The following CLOCK variants were observed in gnomAD, a reference collection of about 807,000 sequenced individuals.
CLOCK encodes the protein circadian locomoter output cycles protein kaput.
CLOCK carries 43 observed loss-of-function variants against 118.4 expected under a neutral mutation model. The ratio of observed to expected loss-of-function variants is 0.36; its 90% confidence interval spans 0.28 to 0.47. CLOCK has a LOEUF of 0.47. CLOCK is among the 20% of genes least tolerant of loss of function. The probability of loss-of-function intolerance (pLI) is 1.00; values close to 1 mark genes in which losing one functional copy is unlikely to be tolerated. For missense variants in CLOCK, 846 were observed against 999.9 expected, an observed-to-expected ratio of 0.85 and a Z score of 2.08; for synonymous variants, 326 against 339.2, an observed-to-expected ratio of 0.96 and a Z score of 0.43.
chr4:55,506,140 G>GGTCATGTACTGCATTTAGCT, intron 2 of CLOCK, among the ~76,000 whole-genome samples: 1 of 151,924 alleles, frequency 6.6e-6, no homozygotes, highest in South Asian at 2.1e-4. Flanking sequence ...TCCAATCCAG[G>GGTCATGTACTGCATTTAGCT]GTCATGTACT....
intron 1 of CLOCK, among the ~76,000 whole-genome samples, chr4:55,533,915 C>A (rs1730715683): frequency 6.6e-6 from 1 of 152,080 alleles, no homozygotes; most frequent in African/African-American, 2.4e-5. Flanking sequence ...AAAAATAAAA[C>A]AAAAACAAAG....
intron 2 of CLOCK, among the ~76,000 whole-genome samples, chr4:55,495,673 CCCAAAACTGG>C (rs1199027244): frequency 1.3e-5 from 2 of 152,048 alleles, no homozygotes; most frequent in African/African-American, 4.8e-5. Flanking sequence ...AAAATGATCC[CCCAAAACTGG>C]CCAGTGAGTT....
At chr4:55,459,085 G>A in intron 10 of CLOCK, 63 bp downstream of exon 10, 1 of 1,458,038 alleles carries the variant, frequency 6.9e-7, no homozygotes, top group Non-Finnish European at 9.6e-7. Context: ...AAACATCTAT[G>A]TCTTTAAGAG....
chr4:55,541,498 C>T (rs1731264212), intron 1 of CLOCK, among the ~76,000 whole-genome samples: 1 of 152,124 alleles, frequency 6.6e-6, no homozygotes, highest in South Asian at 2.1e-4. Flanking sequence ...TTTGACTTTT[C>T]CCCCACAATA....
At chr4:55,511,264 A>T (rs745961466) in intron 1 of CLOCK, among the ~76,000 whole-genome samples, 1 of 147,984 alleles carries the variant, frequency 6.8e-6, no homozygotes, top group Non-Finnish European at 1.5e-5. Context: ...ACTATCAAGC[A>T]AGTGCTTTCA....
At chr4:55,498,407 G>GA (rs1416541978) in intron 2 of CLOCK, among the ~76,000 whole-genome samples, 1 of 151,770 alleles carries the variant, frequency 6.6e-6, no homozygotes, top group Non-Finnish European at 1.5e-5. Flanking sequence ...AGATAATTCA[G>GA]AAAAAAACTA....
rs540823217 is a variant in CLOCK at position 55,463,706 on chromosome 4, A to C, written c.538T>G (p.Leu180Val). 2 of 1,613,176 alleles carry C rather than the reference A, an allele frequency of 1.2e-6. No homozygotes were observed. Among genetic ancestry groups the C allele is most frequent in the African/African-American group, 2.7e-5 (2 of 75,024 alleles). ...TTACATTTTAAATATTCTGGGGTTA[A>C]TGAATCACTTTCCAGCAGATGAGTA... ...LSTHLLESDS[L>V]TPEYLKSKNQ... is the part of the protein sequence containing the mutation. Residue 180 changes from leucine (L) to valine (V), a missense_variant, in exon 9 of 23, where the codon TTA becomes GTA. Leu to Val is a conservative substitution (Grantham distance 32, BLOSUM62 1). Transcript: ENST00000513440.
intron 3 of CLOCK, among the ~76,000 whole-genome samples, chr4:55,484,520 C>T (rs2109920746): frequency 6.6e-6 from 1 of 152,250 alleles, no homozygotes; most frequent in South Asian, 2.1e-4. Context: ...AATTTAAAGA[C>T]CACCTAAGTA....
intron 16 of CLOCK, 125 bp downstream of exon 16, chr4:55,449,965 AC>A: frequency 8.7e-7 from 1 of 1,152,118 alleles, no homozygotes; most frequent in Non-Finnish European, 1.3e-6. Context: ...TGGAAAGGTT[AC>A]TACATTTCAG....
At position 55,495,506 on chromosome 4, in the gene CLOCK, T is replaced by TA. The variant is rs1471227115; in HGVS notation, c.-135-6042_-135-6041insT. Among the ~76,000 whole-genome samples, 17 of 152,128 alleles carry TA rather than the reference T, an allele frequency of 1.1e-4. No individual in the cohort carries two copies. The East Asian group carries it at 3.3e-3, about 29-fold the overall frequency. Reference sequence around the variant, plus strand: ...TCACTGTCATTTCTGAATTATTCTCTCCCTCCCTAAAACCTTAGCTTTGAC... The same window carrying TA: ...TCACTGTCATTTCTGAATTATTCTCTACCCTCCCTAAAACCTTAGCTTTGAC... On this transcript the variant is annotated intron_variant, in intron 2 of 22. Transcript: ENST00000513440.
rs368750828 is a variant in CLOCK at position 55,444,744 on chromosome 4, T to C, written c.1581A>G (p.Lys527=). ...TGCGTGTCCGTTGTTCCAATTGGTC[T>C]TTCAGATGTTGCATGGCTCCTAATT... is the stretch of plus-strand genomic sequence containing the variant. ...SAQLGAMQHL[K]DQLEQRTRMI... Residue 527 remains lysine (K), a synonymous_variant, in exon 19 of 23, where the codon AAA becomes AAG. Coordinates refer to ENST00000513440, the MANE Select transcript of CLOCK (RefSeq NM_004898.4). 2.2e-5 allele frequency: 35 copies of C among 1,613,992 alleles called. No homozygotes were observed. In the Admixed American group the frequency reaches 2.3e-4, roughly 11 times the overall value.
At chr4:55,462,076 TC>T (rs1381379475) in intron 9 of CLOCK, among the ~76,000 whole-genome samples, 1 of 152,226 alleles carries the variant, frequency 6.6e-6, no homozygotes, top group African/African-American at 2.4e-5. Context: ...CTTTTGTATA[TC>T]ACTTGTTTAA....
intron 2 of CLOCK, among the ~76,000 whole-genome samples, chr4:55,503,127 C>A (rs978101172): frequency 1.3e-5 from 2 of 152,062 alleles, no homozygotes; most frequent in East Asian, 3.9e-4. Flanking sequence ...ACCTTAAGAC[C>A]CAGCAATTTC....
At chr4:55,516,266 C>T (rs76098294) in intron 1 of CLOCK, among the ~76,000 whole-genome samples, 4,205 of 152,212 alleles carry the variant, frequency 0.028, 201 homozygotes, top group African/African-American at 0.096. Flanking sequence ...GTTTTCTGCC[C>T]GCTACATCTG....
At chr4:55,463,646 TACA>T (rs1308784890) in intron 9 of CLOCK, 36 bp downstream of exon 9, 3 of 1,608,676 alleles carry the variant, frequency 1.9e-6, no homozygotes, top group Middle Eastern at 1.7e-4. Context: ...TGCTACTGAA[TACA>T]ACATTTGACT....
At chr4:55,494,435 A>G (rs1285123494) in intron 2 of CLOCK, among the ~76,000 whole-genome samples, 1 of 152,228 alleles carries the variant, frequency 6.6e-6, no homozygotes, top group Non-Finnish European at 1.5e-5. Context: ...AAGTGGGTCC[A>G]AAATAATCAC....
intron 1 of CLOCK, among the ~76,000 whole-genome samples, chr4:55,537,839 C>T (rs1205456546): frequency 6.6e-6 from 1 of 151,962 alleles, no homozygotes; most frequent in Non-Finnish European, 1.5e-5. Flanking sequence ...TTATAGCATG[C>T]TTACATTAGA....
At chr4:55,524,935 A>G (rs908343831) in intron 1 of CLOCK, among the ~76,000 whole-genome samples, 6 of 64,790 alleles carry the variant, frequency 9.3e-5, no homozygotes, top group Non-Finnish European at 1.8e-4. Context: ...CAAAAATCTT[A>G]AAAAAAAAAA....
At chr4:55,449,524 T>A in intron 16 of CLOCK, 28 bp from the exon 17 acceptor site, 1 of 1,519,740 alleles carries the variant, frequency 6.6e-7, no homozygotes, top group Non-Finnish European at 9.1e-7. Flanking sequence ...AGAAGAGCAT[T>A]AGTACTTTAT....
Sources: gnomAD v4.1 joint callset for allele counts (sites outside exome capture counted in the v4.1 genomes callset) on GRCh38, gnomAD v4.1.1 for gene constraint, MANE v1.5 for transcripts, NCBI Gene and HGNC (gene_info 2026-07-23, HGNC 2026-07-21) for gene names.